SV2C: variants seen among roughly 807,000 people sequenced by gnomAD.
SV2C encodes the protein solute carrier family 22 member B3.
In SV2C, 49 loss-of-function variants were observed where a neutral mutation model predicts 79.7. The ratio of observed to expected loss-of-function variants is 0.61; its 90% CI spans 0.49 to 0.78. SV2C has a LOEUF of 0.78. SV2C is among the 30% of genes least tolerant of loss of function. The probability of loss-of-function intolerance (pLI) is 0.00; values close to 1 mark genes in which losing one functional copy is unlikely to be tolerated. For synonymous variants in SV2C, 334 were observed against 333.2 expected (o/e 1.00, Z -0.03); for missense variants, 833 against 912.9 (o/e 0.91, Z 1.13).
chr5:76,149,067 G>A (rs184496562), intron 2 of SV2C, among the ~76,000 whole-genome samples: 39 of 152,204 alleles, frequency 2.6e-4, no homozygotes, highest in African/African-American at 9.4e-4. Flanking sequence ...AAATGTCACC[G>A]GGCAACCCTA....
chr5:75,912,729 T>A, the SV2C span, among the ~76,000 whole-genome samples: 1 of 152,280 alleles, frequency 6.6e-6, no homozygotes, highest in Admixed American at 6.5e-5. Context: ...TTCTTCTTAT[T>A]CTTAGGTAAC....
intron 4 of SV2C, among the ~76,000 whole-genome samples, chr5:76,277,318 A>C (rs993587902): frequency 2.8e-4 from 42 of 152,358 alleles, no homozygotes; most frequent in African/African-American, 8.7e-4. Flanking sequence ...TTTTATTCAT[A>C]ATCACCCAAA....
At chr5:76,150,119 C>T (rs2112227147) in intron 2 of SV2C, among the ~76,000 whole-genome samples, 1 of 152,278 alleles carries the variant, frequency 6.6e-6, no homozygotes, top group South Asian at 2.1e-4. Flanking sequence ...TAGCCATAAA[C>T]ATGCACACTC....
chr5:76,270,950 G>A (rs1746832080), intron 4 of SV2C, among the ~76,000 whole-genome samples: 1 of 151,822 alleles, frequency 6.6e-6, no homozygotes, highest in South Asian at 2.1e-4. Flanking sequence ...TGTATTTTTA[G>A]TAGAGACGGG....
chr5:76,095,512 G>A (rs1028163199), intron 1 of SV2C, among the ~76,000 whole-genome samples: 2 of 151,970 alleles, frequency 1.3e-5, no homozygotes, highest in African/African-American at 4.8e-5. Context: ...TAGACTCTGT[G>A]ATTCTTGTAT....
chr5:75,880,218 C>A, the SV2C span, among the ~76,000 whole-genome samples: 21 of 151,764 alleles, frequency 1.4e-4, no homozygotes, highest in Non-Finnish European at 2.2e-4. Context: ...TGGCTATTAG[C>A]ACCTGACTGC....
At chr5:76,035,963 G>C in the SV2C span, among the ~76,000 whole-genome samples, 1,101 of 152,218 alleles carry the variant, frequency 7.2e-3, 18 homozygotes, top group African/African-American at 0.025. Context: ...AGGATAGTTA[G>C]CTCTTCTTGT....
chr5:76,053,794 C>T, the SV2C span, among the ~76,000 whole-genome samples: 1 of 152,100 alleles, frequency 6.6e-6, no homozygotes, highest in Non-Finnish European at 1.5e-5. Context: ...AGCTTTGTGA[C>T]TAGCAAAGTC....
the SV2C span, among the ~76,000 whole-genome samples, chr5:75,870,208 C>T: frequency 6.6e-6 from 1 of 152,000 alleles, no homozygotes; most frequent in Admixed American, 6.6e-5. Flanking sequence ...TGTGACTTTT[C>T]AGACGGGAAA....
At chr5:75,967,835 G>A in the SV2C span, among the ~76,000 whole-genome samples, 6 of 152,184 alleles carry the variant, frequency 3.9e-5, no homozygotes, top group Admixed American at 3.9e-4. Context: ...GGTTCTCCCA[G>A]CACGCAGCTT....
chr5:76,281,855 G>A (rs1286466433), intron 4 of SV2C, among the ~76,000 whole-genome samples: 1 of 152,106 alleles, frequency 6.6e-6, no homozygotes, highest in Non-Finnish European at 1.5e-5. Context: ...TTTACATTGA[G>A]CCCAACCATA....
chr5:76,288,158 G>A (rs1426489689), intron 6 of SV2C, among the ~76,000 whole-genome samples: 1 of 151,468 alleles, frequency 6.6e-6, no homozygotes. Flanking sequence ...TAAGACATAA[G>A]TGGGAACCTA....
At chr5:76,259,215 G>A (rs1309694715) in intron 4 of SV2C, among the ~76,000 whole-genome samples, 3 of 152,094 alleles carry the variant, frequency 2.0e-5, no homozygotes, top group Admixed American at 1.3e-4. Flanking sequence ...CCCAGGATGG[G>A]GATTGCTGGG....
At chr5:75,932,359 A>G in the SV2C span, among the ~76,000 whole-genome samples, 1 of 152,184 alleles carries the variant, frequency 6.6e-6, no homozygotes, top group African/African-American at 2.4e-5. Flanking sequence ...GCTCTGCCCC[A>G]TCTTTCTCTG....
the SV2C span, among the ~76,000 whole-genome samples, chr5:76,037,957 T>A: frequency 6.6e-6 from 1 of 152,244 alleles, no homozygotes; most frequent in South Asian, 2.1e-4. Flanking sequence ...CACCATTTTT[T>A]AAGCCCGTCG....
intron 2 of SV2C, chr5:76,170,867 G>T: frequency 1.1e-5 from 3 of 285,462 alleles, no homozygotes; most frequent in Non-Finnish European, 1.7e-5. Flanking sequence ...CTGCGCTGCG[G>T]CCCGGGGCAG....
chr5:76,060,332 C>T, the SV2C span, among the ~76,000 whole-genome samples: 4 of 152,142 alleles, frequency 2.6e-5, no homozygotes, highest in African/African-American at 9.7e-5. Flanking sequence ...TTTTCGTCTA[C>T]ACTGAAAATA....
the SV2C span, among the ~76,000 whole-genome samples, chr5:75,898,571 T>C: frequency 6.6e-6 from 1 of 152,226 alleles, no homozygotes; most frequent in East Asian, 1.9e-4. Flanking sequence ...ATCAGGATGA[T>C]GCTGGCCTCA....
Position 76,301,535 on chromosome 5 carries a change from A to C in SV2C, c.1990A>C (p.Thr664Pro), listed in dbSNP as rs1235195413. ...LDVVTVELYP[T>P]DRRATGFGFL... Reference sequence around the variant, plus strand: ...CGTGGTCACTGTGGAACTGTACCCCACAGACCGGAGGTATGTTGAAATGGG... The same window carrying C: ...CGTGGTCACTGTGGAACTGTACCCCCCAGACCGGAGGTATGTTGAAATGGG... The change falls in exon 12 of 13, where the codon ACA becomes CCA. Residue 664 changes from threonine to proline, a missense_variant. Thr to Pro is a conservative substitution (Grantham distance 38). Coordinates refer to ENST00000502798, the MANE Select transcript of SV2C (RefSeq NM_014979.4). The C allele has an allele frequency of 1.2e-6, 2 of 1,613,444 alleles. No homozygotes were observed. The highest frequency in any genetic ancestry group is 2.7e-5 in the African/African-American group (2 of 74,996).
Sources: gnomAD v4.1 joint callset for allele counts (sites outside exome capture counted in the v4.1 genomes callset) on GRCh38, gnomAD v4.1.1 for gene constraint, MANE v1.5 for transcripts, NCBI Gene and HGNC (gene_info 2026-07-23, HGNC 2026-07-21) for gene names.